Variants in DEK observed in about 807,000 individuals in gnomAD.
The protein encoded by DEK is DEK proto-oncogene.
A neutral mutation model predicts 46.8 loss-of-function variants in DEK; 28 were observed. That is an observed-to-expected ratio of 0.60 (90% confidence interval 0.44 to 0.82). The LOEUF (loss-of-function observed/expected upper bound fraction) is 0.82, where lower values mean the gene tolerates loss of function less well. DEK is among the 40% of genes least tolerant of loss of function. The pLI is 0.00. For synonymous variants in DEK, 160 were observed against 144.5 expected (o/e 1.11, Z -0.77); for missense variants, 416 against 430.6 (o/e 0.97, Z 0.30).
intron 7 of DEK, among the ~76,000 whole-genome samples, chr6:18,246,455 G>A (rs1791118688): frequency 6.6e-6 from 1 of 152,186 alleles, no homozygotes. Context: ...CATAAAAACA[G>A]AGGTAGAGGT....
intron 9 of DEK, among the ~76,000 whole-genome samples, chr6:18,235,767 G>A (rs568889456): frequency 9.9e-5 from 15 of 152,138 alleles, no homozygotes; most frequent in African/African-American, 2.7e-4. Flanking sequence ...GGGATTACAG[G>A]CGTGAGCCAC....
At chr6:18,264,043 A>T in intron 1 of DEK, 47 bp from the exon 2 acceptor site, 1 of 1,528,892 alleles carries the variant, frequency 6.5e-7, no homozygotes, top group Non-Finnish European at 8.8e-7. Flanking sequence ...CTACTCCCGC[A>T]GGCAGGACCG....
At chr6:18,251,031 G>A (rs982597084) in intron 6 of DEK, among the ~76,000 whole-genome samples, 2 of 152,138 alleles carry the variant, frequency 1.3e-5, no homozygotes, top group African/African-American at 4.8e-5. Context: ...ATCACCTGAT[G>A]AAAATGAGTT....
rs1790086116 is a variant in DEK, at chr6:18,225,697, G to A, written c.*22C>T. 6.2e-7 allele frequency: 1 copy of A among 1,611,450 alleles called. No individual in the cohort carries two copies. The highest frequency in any genetic ancestry group is 8.5e-7 in the Non-Finnish European group (1 of 1,178,398). On this transcript the variant is annotated 3_prime_UTR_variant, in exon 11 of 11. Coordinates refer to ENST00000652689, the MANE Select transcript of DEK (RefSeq NM_003472.4). ...CAGATCTTCAAATCTATGGGAACGA[G>A]TCATCTTCTCTGTCCTCTATCTCAA...
intron 7 of DEK, among the ~76,000 whole-genome samples, chr6:18,245,795 C>T (rs2151086731): frequency 6.6e-6 from 1 of 152,330 alleles, no homozygotes; most frequent in East Asian, 1.9e-4. Context: ...CTCTGTGTCC[C>T]CACCCAAATC....
Position 18,224,659 on chromosome 6 carries a change from G to A in DEK, c.*1060C>T, listed in dbSNP as rs1041399583. 4.8e-6 allele frequency: 1 copy of A among 209,296 alleles called. No individual in the cohort carries two copies. The highest frequency in any genetic ancestry group is 7.2e-5 in the East Asian group (1 of 13,854). The allele number at this position is 209,296 out of a possible 1,614,324, so 13.0% of individuals were successfully genotyped here. On this transcript the variant is annotated 3_prime_UTR_variant, in exon 11 of 11. Transcript: ENST00000652689. ...GACACACTTTGTCAGAGACATCCAC[G>A]ATTGCCTGCACATTATATTCTGGCA...
intron 5 of DEK, 148 bp from the exon 6 acceptor site, chr6:18,255,999 T>C: frequency 9.7e-7 from 1 of 1,030,390 alleles, no homozygotes. Context: ...TTTTCTTTTT[T>C]TTTTTTTGAG....
intron 7 of DEK, among the ~76,000 whole-genome samples, chr6:18,247,140 C>T (rs1791154553): frequency 6.6e-6 from 1 of 152,102 alleles, no homozygotes; most frequent in Non-Finnish European, 1.5e-5. Context: ...AACAAAGTTG[C>T]CACAGATACA....
intron 7 of DEK, among the ~76,000 whole-genome samples, chr6:18,240,841 A>T (rs1029280971): frequency 6.6e-6 from 1 of 152,184 alleles, no homozygotes; most frequent in African/African-American, 2.4e-5. Flanking sequence ...ACAGACTGGA[A>T]ATTATAAACA....
At position 18,236,611 on chromosome 6, in the gene DEK, T is replaced by TATA. The variant is rs753989671; in HGVS notation, c.899-14_899-12dup. 4 of 1,403,510 alleles carry TATA rather than the reference T, an allele frequency of 2.8e-6. No individual in the cohort carries two copies. Among genetic ancestry groups the TATA allele is most frequent in the Non-Finnish European group, 3.8e-6 (4 of 1,057,080 alleles). 86.9% of individuals were successfully genotyped at this position (1,403,510 alleles called of 1,614,324 possible). ...CCTCAGACTCACTTTCTAAAAGTAATATAATAATAATAATTTTTCTTACAT... is the reference window on the plus strand; with the variant it reads ...CCTCAGACTCACTTTCTAAAAGTAATATAATAATAATAATAATTTTTCTTACAT... On this transcript the variant is annotated splice_polypyrimidine_tract_variant and intron_variant, in intron 8 of 10. Transcript: ENST00000652689.
At chr6:18,252,991 T>C (rs186387824) in intron 6 of DEK, among the ~76,000 whole-genome samples, 20 of 152,310 alleles carry the variant, frequency 1.3e-4, no homozygotes, top group Admixed American at 1.1e-3. Flanking sequence ...AAATGGAAGA[T>C]ATACATAAAT....
In DEK at chr6:18,257,955, T is replaced by C; in HGVS notation, c.355A>G (p.Thr119Ala). The C allele has an allele frequency of 1.3e-6, 2 of 1,599,566 alleles. No homozygotes were observed. Among genetic ancestry groups the C allele is most frequent in the Non-Finnish European group, 1.7e-6 (2 of 1,175,080 alleles). ...TTTAAAGTGTAAAAAGGTCTTACAG[T>C]GCCTGGCCTGTTGTAAAGCAGTTTG... Reference protein sequence around the residue: ...LHKLLYNRPGTVSSLKKNVGQ... With the variant: ...LHKLLYNRPGAVSSLKKNVGQ... Residue 119 changes from threonine to alanine, a missense_variant and splice_region_variant, in exon 4 of 11, where the codon ACT (threonine) becomes GCT (alanine). Transcript: ENST00000652689.
intron 7 of DEK, among the ~76,000 whole-genome samples, chr6:18,247,485 G>A (rs1422812028): frequency 6.6e-6 from 1 of 152,074 alleles, no homozygotes; most frequent in African/African-American, 2.4e-5. Context: ...TCTAGTCACA[G>A]ACCCTAGATT....
At chr6:18,239,955 G>A (rs970177958) in intron 7 of DEK, among the ~76,000 whole-genome samples, 1 of 152,106 alleles carries the variant, frequency 6.6e-6, no homozygotes, top group Non-Finnish European at 1.5e-5. Flanking sequence ...TGGACTTGCA[G>A]GTACAAGAAA....
At chr6:18,242,930 A>G (rs1790959427) in intron 7 of DEK, among the ~76,000 whole-genome samples, 1 of 152,164 alleles carries the variant, frequency 6.6e-6, no homozygotes, top group Admixed American at 6.5e-5. Context: ...CAAACTGCGA[A>G]AGTTATGGCC....
intron 7 of DEK, among the ~76,000 whole-genome samples, chr6:18,244,945 A>G (rs1283433220): frequency 2.6e-5 from 4 of 152,182 alleles, no homozygotes; most frequent in African/African-American, 9.6e-5. Context: ...GTCCAAATAG[A>G]TAGTTTACCA....
chr6:18,254,496 ATAT>A (rs148967162), intron 6 of DEK, among the ~76,000 whole-genome samples: 4,623 of 152,268 alleles, frequency 0.03, 239 homozygotes, highest in African/African-American at 0.1. Context: ...TTCCTAGAAA[ATAT>A]TATTTTTAAC....
At chr6:18,251,056 A>G (rs371574039) in intron 6 of DEK, among the ~76,000 whole-genome samples, 68 of 152,366 alleles carry the variant, frequency 4.5e-4, no homozygotes, top group African/African-American at 1.6e-3. Flanking sequence ...ACAGTAAACA[A>G]TAAATTTAAT....
intron 9 of DEK, among the ~76,000 whole-genome samples, chr6:18,232,469 C>A (rs139998695): frequency 6.6e-6 from 1 of 152,084 alleles, no homozygotes; most frequent in African/African-American, 2.4e-5. Context: ...AAAACCCCAT[C>A]GTCTCAGCCC....
Sources: allele counts gnomAD v4.1 joint callset (sites outside exome capture counted in the v4.1 genomes callset), GRCh38; gene constraint gnomAD v4.1.1; transcripts MANE v1.5; gene names NCBI Gene and HGNC (gene_info 2026-07-23, HGNC 2026-07-21).